Variants in CTNNA3 observed in about 807,000 individuals in gnomAD.
CTNNA3 encodes the protein catenin alpha-3.
Under a neutral mutation model 95.7 loss-of-function variants are expected in CTNNA3, and 76 were observed. The ratio of observed to expected loss-of-function variants is 0.79; its 90% CI spans 0.66 to 0.96. The LOEUF is 0.96. Among genes scored for constraint, CTNNA3 ranks in the 40% least tolerant of loss-of-function variants. The probability of loss-of-function intolerance (pLI) is 0.00; values close to 1 mark genes in which losing one functional copy is unlikely to be tolerated. For synonymous variants in CTNNA3, 431 were observed against 374.4 expected (o/e 1.15, Z -1.74); for missense variants, 1,191 against 1,089.8 (o/e 1.09, Z -1.31).
At chr10:67,727,460 T>C (rs1841242540) in intron 1 of CTNNA3, among the ~76,000 whole-genome samples, 1 of 133,916 alleles carries the variant, frequency 7.5e-6, no homozygotes, top group Non-Finnish European at 1.5e-5. Context: ...ATATCATATA[T>C]ATCATATATT....
At chr10:67,606,182 C>A (rs1272448285) in intron 3 of CTNNA3, among the ~76,000 whole-genome samples, 1 of 152,160 alleles carries the variant, frequency 6.6e-6, no homozygotes, top group Non-Finnish European at 1.5e-5. Context: ...AAAATAGATA[C>A]TTGCAGAAAG....
chr10:66,444,773 G>A (rs1442843303), intron 11 of CTNNA3, among the ~76,000 whole-genome samples: 1 of 152,096 alleles, frequency 6.6e-6, no homozygotes, highest in Non-Finnish European at 1.5e-5. Context: ...CAACTAACGA[G>A]CAAAATAACC....
At chr10:67,417,744 G>A (rs924370561) in intron 5 of CTNNA3, among the ~76,000 whole-genome samples, 1 of 151,532 alleles carries the variant, frequency 6.6e-6, no homozygotes, top group Non-Finnish European at 1.5e-5. Context: ...ATCCAATTTC[G>A]AACCCATCCA....
chr10:66,672,458 G>T (rs1026548772), intron 9 of CTNNA3, among the ~76,000 whole-genome samples: 11 of 151,964 alleles, frequency 7.2e-5, no homozygotes, highest in Non-Finnish European at 1.2e-4. Flanking sequence ...AAAAATTAGG[G>T]AAAAAAGATG....
chr10:66,107,922 T>C (rs1589423943), intron 13 of CTNNA3, among the ~76,000 whole-genome samples: 1 of 152,098 alleles, frequency 6.6e-6, no homozygotes, highest in Non-Finnish European at 1.5e-5. Flanking sequence ...TTCTAAACCA[T>C]ACACATGACT....
chr10:66,913,342 A>G (rs1283011608), intron 7 of CTNNA3, among the ~76,000 whole-genome samples: 2 of 151,490 alleles, frequency 1.3e-5, no homozygotes, highest in Non-Finnish European at 2.9e-5. Context: ...GAGGATATGG[A>G]TAACAAAGGA....
intron 9 of CTNNA3, among the ~76,000 whole-genome samples, chr10:66,675,603 C>T (rs1018461118): frequency 2.6e-5 from 4 of 152,024 alleles, no homozygotes; most frequent in Non-Finnish European, 4.4e-5. Flanking sequence ...AAATTGAGAA[C>T]TATGTTATTT....
intron 1 of CTNNA3, among the ~76,000 whole-genome samples, chr10:67,705,091 C>T (rs1230153112): frequency 6.6e-6 from 1 of 152,098 alleles, no homozygotes; most frequent in Non-Finnish European, 1.5e-5. Context: ...CCATCTCACA[C>T]CAGTTAGAAT....
chr10:66,447,705 C>A (rs1235668755), intron 11 of CTNNA3, among the ~76,000 whole-genome samples: 3 of 152,054 alleles, frequency 2.0e-5, no homozygotes, highest in Admixed American at 6.6e-5. Flanking sequence ...ACATGTTAGA[C>A]CTAAAACCAT....
intron 7 of CTNNA3, among the ~76,000 whole-genome samples, chr10:67,017,487 C>T (rs2133060979): frequency 6.6e-6 from 1 of 152,246 alleles, no homozygotes; most frequent in South Asian, 2.1e-4. Flanking sequence ...TGCTGGCATC[C>T]ACAATCTATC....
chr10:67,351,340 A>G (rs1842629982), intron 5 of CTNNA3, among the ~76,000 whole-genome samples: 1 of 151,230 alleles, frequency 6.6e-6, no homozygotes, highest in Non-Finnish European at 1.5e-5. Flanking sequence ...ATACACCAAA[A>G]AAGTCAATTT....
At chr10:67,250,194 A>T (rs949971563) in intron 5 of CTNNA3, among the ~76,000 whole-genome samples, 2 of 151,946 alleles carry the variant, frequency 1.3e-5, no homozygotes, top group Non-Finnish European at 2.9e-5. Flanking sequence ...TTTGTGGGAT[A>T]TGAAATCTAA....
intron 4 of CTNNA3, among the ~76,000 whole-genome samples, chr10:67,532,559 C>T (rs1840361685): frequency 6.6e-6 from 1 of 152,054 alleles, no homozygotes; most frequent in African/African-American, 2.4e-5. Flanking sequence ...TCAACATTCC[C>T]AAAACAAGTA....
At chr10:67,163,344 C>T (rs1861628270) in intron 7 of CTNNA3, among the ~76,000 whole-genome samples, 1 of 151,872 alleles carries the variant, frequency 6.6e-6, no homozygotes. Context: ...ACCATATTAA[C>T]AAACTAAACA....
chr10:67,403,393 T>C (rs567982124), intron 5 of CTNNA3: 17 of 152,372 alleles, frequency 1.1e-4, no homozygotes, highest in African/African-American at 3.6e-4. Flanking sequence ...TCCAAGCCAA[T>C]ACAGGCAGAG....
chr10:66,199,780 TATATATATATATATATATATATATA>T (rs1564755732), intron 13 of CTNNA3, among the ~76,000 whole-genome samples: 46 of 10,628 alleles, frequency 4.3e-3, no homozygotes, highest in Non-Finnish European at 7.5e-3. Flanking sequence ...TATATATATA[TATATATATATATATATATATATATA>T]TTTTTTTTTT....
At chr10:67,696,805 C>G (rs1840973108), upstream of CTNNA3, among the ~76,000 whole-genome samples, 1 of 151,916 alleles carries the variant, frequency 6.6e-6, no homozygotes, top group Non-Finnish European at 1.5e-5. Flanking sequence ...GATATCTTCT[C>G]CCTCAATATC....
intron 7 of CTNNA3, among the ~76,000 whole-genome samples, chr10:67,090,362 A>G (rs1398483516): frequency 1.3e-5 from 2 of 152,154 alleles, no homozygotes; most frequent in Non-Finnish European, 2.9e-5. Flanking sequence ...ATAAAACTAC[A>G]GTATAAACAT....
At chr10:67,282,983 G>A (rs1213197506) in intron 5 of CTNNA3, among the ~76,000 whole-genome samples, 1 of 152,076 alleles carries the variant, frequency 6.6e-6, no homozygotes, top group African/African-American at 2.4e-5. Context: ...GTAAAAACAG[G>A]CCATAAAGAA....
Sources: gnomAD v4.1 joint callset for allele counts (sites outside exome capture counted in the v4.1 genomes callset) on GRCh38, gnomAD v4.1.1 for gene constraint, MANE v1.5 for transcripts, NCBI Gene and HGNC (gene_info 2026-07-23, HGNC 2026-07-21) for gene names.